EEA1: variants seen among roughly 807,000 people sequenced by gnomAD.
EEA1 encodes early endosome antigen 1, 162kD.
In EEA1, 111 loss-of-function variants were observed where a neutral mutation model predicts 209.2. The observed-to-expected ratio is 0.53, with a 90% confidence interval of 0.45 to 0.62. The LOEUF (loss-of-function observed/expected upper bound fraction) is 0.62, where lower values mean the gene tolerates loss of function less well. Ranked by LOEUF, EEA1 falls within the 20% of genes least tolerant of loss-of-function variation. EEA1 has a pLI of 0.00. For missense variants in EEA1, 1,343 were observed against 1,530.8 expected (o/e 0.88, Z 2.05); for synonymous variants, 536 against 540.6 (o/e 0.99, Z 0.12).
intron 1 of EEA1, among the ~76,000 whole-genome samples, chr12:92,901,197 G>A (rs1333470630): frequency 6.6e-6 from 1 of 152,098 alleles, no homozygotes; most frequent in Non-Finnish European, 1.5e-5. Context: ...GCCGAAGTAA[G>A]CAATTCAAAG....
chr12:92,792,417 T>C (rs948694314), intron 21 of EEA1, among the ~76,000 whole-genome samples: 3 of 151,804 alleles, frequency 2.0e-5, no homozygotes, highest in Non-Finnish European at 4.4e-5. Context: ...AAGAATCAAA[T>C]AGATGCAATA....
intron 2 of EEA1, among the ~76,000 whole-genome samples, chr12:92,880,326 T>C (rs902774387): frequency 2.0e-5 from 3 of 152,028 alleles, no homozygotes; most frequent in Non-Finnish European, 4.4e-5. Context: ...TTTTTTTGAG[T>C]TGTGGTCTCA....
intron 1 of EEA1, among the ~76,000 whole-genome samples, chr12:92,893,496 A>C (rs1428552206): frequency 1.3e-5 from 2 of 152,242 alleles, no homozygotes; most frequent in Non-Finnish European, 2.9e-5. Flanking sequence ...TTGCCTCAAC[A>C]TGTGAACATC....
At chr12:92,908,201 T>C (rs1880452261) in intron 1 of EEA1, among the ~76,000 whole-genome samples, 1 of 152,218 alleles carries the variant, frequency 6.6e-6, no homozygotes, top group East Asian at 1.9e-4. Flanking sequence ...GAAATAATTA[T>C]GCTAAGTGAA....
chr12:92,797,536 ATAT>A (rs1874710737), intron 21 of EEA1, among the ~76,000 whole-genome samples: 2 of 152,198 alleles, frequency 1.3e-5, no homozygotes, highest in South Asian at 2.1e-4. Flanking sequence ...TCCAAAAGAA[ATAT>A]TATTATAACT....
intron 1 of EEA1, among the ~76,000 whole-genome samples, chr12:92,908,540 T>C (rs747412896): frequency 6.6e-6 from 1 of 152,154 alleles, no homozygotes; most frequent in African/African-American, 2.4e-5. Flanking sequence ...GACAAAATAA[T>C]TATTTTAAGT....
chr12:92,836,541 A>G (rs990526939), intron 10 of EEA1, among the ~76,000 whole-genome samples: 9 of 152,208 alleles, frequency 5.9e-5, no homozygotes, highest in African/African-American at 2.2e-4. Context: ...TCCTCAGAAT[A>G]GCTTGGTGAG....
rs143691432 is a variant in EEA1, at chr12:92,817,576, T to C, written c.1729-1176A>G. ...AGTTTTTTGTTTCTATCCATAAGCATATTTGAAGAGCTGTTTTAAAGTACT... is the reference window on the plus strand; with the variant it reads ...AGTTTTTTGTTTCTATCCATAAGCACATTTGAAGAGCTGTTTTAAAGTACT... On this transcript the variant is annotated intron_variant, in intron 14 of 28. Coordinates refer to ENST00000322349, the MANE Select transcript of EEA1 (RefSeq NM_003566.4). 1.8e-4 allele frequency among the ~76,000 whole-genome samples: 27 copies of C among 152,238 alleles called. No individual in the cohort carries two copies. The East Asian group carries it at 4.8e-3, about 27-fold the overall frequency.
intron 10 of EEA1, among the ~76,000 whole-genome samples, chr12:92,836,003 A>G (rs1176812566): frequency 6.6e-6 from 1 of 152,180 alleles, no homozygotes; most frequent in African/African-American, 2.4e-5. Flanking sequence ...TAGTGAATAC[A>G]TGGTTTTTGA....
intron 5 of EEA1, among the ~76,000 whole-genome samples, chr12:92,856,012 A>C (rs1430989617): frequency 2.6e-5 from 4 of 152,232 alleles, no homozygotes; most frequent in African/African-American, 7.2e-5. Flanking sequence ...AGTAGTAATA[A>C]GACTGATTAT....
rs531134335 is a variant in EEA1, at chr12:92,844,425, G to A, written c.799-1844C>T. Among the ~76,000 whole-genome samples the A allele has an allele frequency of 1.9e-4, 29 of 152,112 alleles. No homozygotes were observed. In the South Asian group the frequency reaches 2.7e-3, roughly 14 times the overall value. ...CATATTGTTACACCTTATACACAGT[G>A]CTTCAGTATCATATGTAACAGCTGA... On this transcript the variant is annotated intron_variant, in intron 9 of 28. Transcript: ENST00000322349.
chr12:92,921,887 GA>G lies in EEA1; in HGVS notation c.24+7155del, dbSNP rs1238072239. On this transcript the variant is annotated intron_variant, in intron 1 of 28. Coordinates refer to ENST00000322349, the MANE Select transcript of EEA1 (RefSeq NM_003566.4). ...GTCTCAAAAAAAAAAAAAAAAAAAA[GA>G]AAAAAAGAAAAGAAAGCTATTAGAA... is the stretch of plus-strand genomic sequence containing the variant. 2.9e-3 allele frequency among the ~76,000 whole-genome samples: 270 copies of G among 93,398 alleles called. 3 individuals carry two copies. Among genetic ancestry groups the G allele is most frequent in the African/African-American group, 0.01 (255 of 24,602 alleles). The allele number at this position is 93,398 out of a possible 152,430, so 61.3% of individuals were successfully genotyped here.
At chr12:92,927,670 C>T (rs957711530) in intron 1 of EEA1, among the ~76,000 whole-genome samples, 8 of 152,174 alleles carry the variant, frequency 5.3e-5, no homozygotes, top group Non-Finnish European at 2.9e-5. Flanking sequence ...ATGAGGTAAT[C>T]AGTTCCTCCA....
At chr12:92,828,762 C>T (rs1428324460) in intron 11 of EEA1, among the ~76,000 whole-genome samples, 2 of 152,014 alleles carry the variant, frequency 1.3e-5, no homozygotes, top group Non-Finnish European at 2.9e-5. Flanking sequence ...TCCTTCCTAC[C>T]TCTTACAACA....
At chr12:92,823,517 T>A (rs1482174901) in intron 13 of EEA1, among the ~76,000 whole-genome samples, 9 of 152,240 alleles carry the variant, frequency 5.9e-5, no homozygotes, top group Non-Finnish European at 1.0e-4. Flanking sequence ...AAGTTTTCCA[T>A]GGCTGCTCCT....
chr12:92,882,811 C>A (rs1467249579), intron 2 of EEA1, among the ~76,000 whole-genome samples: 2 of 151,880 alleles, frequency 1.3e-5, no homozygotes, highest in Admixed American at 1.3e-4. Flanking sequence ...TTTTTTTTAT[C>A]CAATCCACCA....
rs1248633292 is a variant in EEA1, at chr12:92,775,030, C to T, written c.*981G>A. 1.3e-5 allele frequency: 2 copies of T among 151,284 alleles called. No individual in the cohort carries two copies. Among genetic ancestry groups the T allele is most frequent in the East Asian group, 1.9e-4 (1 of 5,184 alleles). 9.4% of individuals were successfully genotyped at this position (151,284 alleles called of 1,614,324 possible). On this transcript the variant is annotated 3_prime_UTR_variant, in exon 29 of 29. Coordinates refer to ENST00000322349, the MANE Select transcript of EEA1 (RefSeq NM_003566.4). The stretch of plus-strand genomic sequence containing the variant: ...CTGATCTATGCTTGAAAATGTTAAA[C>T]CAAATAAAGGAAAAAATCAGATCTA...
intron 17 of EEA1, 62 bp downstream of exon 17, chr12:92,811,217 C>A: frequency 8.7e-7 from 1 of 1,145,122 alleles, no homozygotes; most frequent in South Asian, 2.7e-5. Context: ...CCATGTAGGT[C>A]ATGAGATTCC....
In EEA1 at chr12:92,851,212, C is replaced by T; in HGVS notation, c.697G>A (p.Val233Ile). Residue 233 changes from valine to isoleucine, a missense_variant, in exon 9 of 29, where the codon GTT becomes ATT. Physicochemically the swap from Val to Ile is conservative, Grantham distance 29. This residue lies in a region of EEA1 where 1,307 missense variants were observed against 1,465.5 expected (regional missense o/e 0.89). Transcript: ENST00000322349. ...VAVLKKELVQ[V>I]QTLMDNMTLE... is the part of the protein sequence containing the mutation. ...GTCATGTTATCCATTAGTGTTTGAA[C>T]TTGGACCAGTTCTTTCTTTAGCACG... 6.2e-7 allele frequency: 1 copy of T among 1,613,902 alleles called. No individual in the cohort carries two copies. The highest frequency in any genetic ancestry group is 8.5e-7 in the Non-Finnish European group (1 of 1,179,906).
Sources: gnomAD v4.1 joint callset for allele counts (sites outside exome capture counted in the v4.1 genomes callset) on GRCh38, gnomAD v4.1.1 for gene constraint, gnomAD v4.1.1 regional missense constraint, MANE v1.5 for transcripts, NCBI Gene and HGNC (gene_info 2026-07-23, HGNC 2026-07-21) for gene names.